Variants in DHX30 observed in about 807,000 individuals in gnomAD.
The protein encoded by DHX30 is DExH-box helicase 30, also known as ATP-dependent RNA helicase DHX30.
In DHX30, 4 loss-of-function variants were observed where a neutral mutation model predicts 116.9. The observed-to-expected ratio is 0.03, with a 90% confidence interval of 0.02 to 0.08. The LOEUF is 0.08. DHX30 is among the 10% of genes least tolerant of loss of function. The pLI is 1.00. For synonymous variants in DHX30, 697 were observed against 651.7 expected, an observed-to-expected ratio of 1.07 and a Z score of -1.06; for missense variants, 871 against 1,595.1, an observed-to-expected ratio of 0.55 and a Z score of 7.73.
At chr3:47,840,004 T>TTTTC (rs1181932343) in intron 6 of DHX30, among the ~76,000 whole-genome samples, 54 of 25,650 alleles carry the variant, frequency 2.1e-3, no homozygotes, top group African/African-American at 3.7e-3. Context: ...TTTTCTTTTC[T>TTTTC]TTTTTTTTTT....
Position 47,849,732 on chromosome 3 carries a change from T to A in DHX30, c.3294T>A (p.Ala1098=), listed in dbSNP as rs1311006957. The A allele has an allele frequency of 6.2e-7, 1 of 1,614,028 alleles. No individual in the cohort carries two copies. Among genetic ancestry groups the A allele is most frequent in the Non-Finnish European group, 8.5e-7 (1 of 1,179,972 alleles). ...ACTCCTCTCAGGTGCACCCGCTAGC[T>A]GTGCTGCTGCTGACCGACGGGGACG... is the stretch of plus-strand genomic sequence containing the variant. ...VRDSSQVHPL[A]VLLLTDGDVH... is the part of the protein sequence containing the mutation. The change falls in exon 21 of 22, where the codon GCT becomes GCA. Residue 1098 remains alanine, a synonymous_variant. Coordinates refer to ENST00000445061, the MANE Select transcript of DHX30 (RefSeq NM_138615.3).
intron 4 of DHX30, among the ~76,000 whole-genome samples, chr3:47,822,802 A>C (rs2036356298): frequency 6.7e-6 from 1 of 149,142 alleles, no homozygotes; most frequent in African/African-American, 2.5e-5. Flanking sequence ...TAAACATAAA[A>C]AATAAGAAAG....
intron 2 of DHX30, among the ~76,000 whole-genome samples, chr3:47,809,277 T>C (rs1476568654): frequency 2.0e-4 from 23 of 114,962 alleles, no homozygotes; most frequent in Admixed American, 5.9e-4. Context: ...AGTCTCACTC[T>C]GTCGCCCAGG....
At position 47,808,912 on chromosome 3, in the gene DHX30, G is replaced by A. The variant is rs372466600; in HGVS notation, c.-27-1745G>A. On this transcript the variant is annotated intron_variant, in intron 2 of 21. Coordinates refer to ENST00000445061, the MANE Select transcript of DHX30 (RefSeq NM_138615.3). ...TTTTGTTTTTGTTTTTTTTGAGACA[G>A]AGTCTCACTCTTGTTGCCCAGGCTG... Among the ~76,000 whole-genome samples the A allele has an allele frequency of 1.6e-4, 24 of 151,458 alleles. No homozygotes were observed. In the East Asian group the frequency reaches 2.1e-3, roughly 14 times the overall value.
At chr3:47,831,654 G>A (rs1481469704) in intron 6 of DHX30, among the ~76,000 whole-genome samples, 7 of 149,178 alleles carry the variant, frequency 4.7e-5, no homozygotes, top group Middle Eastern at 3.6e-3. Flanking sequence ...GGCCATCTTC[G>A]TTCATGCCCT....
At chr3:47,844,619 G>A (rs888202682) in intron 9 of DHX30, among the ~76,000 whole-genome samples, 2 of 152,260 alleles carry the variant, frequency 1.3e-5, no homozygotes, top group African/African-American at 4.8e-5. Flanking sequence ...AGAGGCAGGG[G>A]GTTGGCCCCT....
chr3:47,819,464 C>G (rs1055017888), intron 4 of DHX30, among the ~76,000 whole-genome samples: 1 of 152,186 alleles, frequency 6.6e-6, no homozygotes, highest in African/African-American at 2.4e-5. Flanking sequence ...GACCCCTGAG[C>G]CTGGTGGTCT....
rs148301796 is a variant in DHX30 at position 47,847,551 on chromosome 3, G to A, written c.2110+15G>A. 2.2e-4 allele frequency: 349 copies of A among 1,576,146 alleles called. No individual in the cohort carries two copies. The African/African-American group carries it at 4.1e-3, about 19-fold the overall frequency. On this transcript the variant is annotated intron_variant, in intron 13 of 21. Transcript: ENST00000445061. This position sits in a 1 kb window ranked among gnomAD's most constrained non-coding sequence, Gnocchi z 5.5. ...CATCCTGCCAGGTGAGAGCCCCGGCGGAGGGACCAGGGACCTTTGGAAACC... is the reference window on the plus strand; with the variant it reads ...CATCCTGCCAGGTGAGAGCCCCGGCAGAGGGACCAGGGACCTTTGGAAACC...
chr3:47,812,063 CAAA>C (rs370479642), intron 3 of DHX30, among the ~76,000 whole-genome samples: 2 of 89,112 alleles, frequency 2.2e-5, no homozygotes, highest in East Asian at 3.3e-4. Flanking sequence ...GACTCAGTCT[CAAA>C]AAAAAAAAAA....
chr3:47,828,445 G>A (rs1475406400), intron 5 of DHX30, among the ~76,000 whole-genome samples: 2 of 143,404 alleles, frequency 1.4e-5, no homozygotes, highest in Non-Finnish European at 3.0e-5. Context: ...GGGCAACAGC[G>A]TGAGATCCTG....
intron 1 of DHX30, among the ~76,000 whole-genome samples, chr3:47,804,700 TAAG>T (rs1387042617): frequency 6.6e-6 from 1 of 152,186 alleles, no homozygotes; most frequent in Non-Finnish European, 1.5e-5. Context: ...ATCCTGGAAA[TAAG>T]AAAATTAGCC....
chr3:47,814,272 T>A (rs1433765731), intron 3 of DHX30, among the ~76,000 whole-genome samples: 2 of 147,318 alleles, frequency 1.4e-5, no homozygotes, highest in Non-Finnish European at 3.0e-5. Flanking sequence ...TAAAAAAAAA[T>A]AAAAATAAAA....
At chr3:47,826,744 G>A (rs542354649) in intron 4 of DHX30, among the ~76,000 whole-genome samples, 41 of 152,178 alleles carry the variant, frequency 2.7e-4, no homozygotes, top group South Asian at 6.2e-4. Flanking sequence ...GAGCCACCAC[G>A]CCCAGCCAGA....
At chr3:47,809,968 C>A (rs770792032) in intron 2 of DHX30, among the ~76,000 whole-genome samples, 5 of 151,696 alleles carry the variant, frequency 3.3e-5, no homozygotes, top group Non-Finnish European at 5.9e-5. Context: ...TTTTTCTTGT[C>A]ATCTCTAAGT....
intron 2 of DHX30, among the ~76,000 whole-genome samples, chr3:47,809,813 T>A (rs532019083): frequency 6.6e-6 from 1 of 152,310 alleles, no homozygotes; most frequent in East Asian, 1.9e-4. Flanking sequence ...ATGATTCTGA[T>A]TGGCTAAACA....
chr3:47,824,233 C>T (rs1270052543), intron 4 of DHX30, among the ~76,000 whole-genome samples: 1 of 152,028 alleles, frequency 6.6e-6, no homozygotes, highest in Non-Finnish European at 1.5e-5. Context: ...GAACTCCTGA[C>T]CTCAGGTGAT....
intron 2 of DHX30, among the ~76,000 whole-genome samples, chr3:47,808,181 A>G (rs2035620308): frequency 6.6e-6 from 1 of 150,422 alleles, no homozygotes; most frequent in African/African-American, 2.4e-5. Flanking sequence ...AAATGCTGGG[A>G]TTACAGGCAT....
intron 2 of DHX30, among the ~76,000 whole-genome samples, chr3:47,810,378 T>G (rs1343509293): frequency 4.6e-5 from 7 of 152,188 alleles, no homozygotes; most frequent in African/African-American, 1.7e-4. Context: ...TAGAACTACA[T>G]GTCTCTCATG....
rs746231254 is a variant in DHX30 at position 47,846,729 on chromosome 3, G to A, written c.1657G>A (p.Val553Met). The change falls in exon 11 of 22, where the codon GTG becomes ATG. Residue 553 changes from valine to methionine, a missense_variant. Val to Met is a conservative substitution (Grantham distance 21, BLOSUM62 1). Around this residue, in one of 13 missense-constraint regions of DHX30, gnomAD observed 63 missense variants for 180.6 expected, o/e 0.35. Transcript: ENST00000445061. ...KLQSNPSLEGVSHVIVDEVHE... is the reference protein window; with the variant it reads ...KLQSNPSLEGMSHVIVDEVHE... The stretch of plus-strand genomic sequence containing the variant: ...GCAGAGCAACCCCAGCCTGGAGGGC[G>A]TGAGCCACGTCATCGTGGATGAGGT... 3 of 1,613,870 alleles carry A rather than the reference G, an allele frequency of 1.9e-6. No individual in the cohort carries two copies. Among genetic ancestry groups the A allele is most frequent in the African/African-American group, 1.3e-5 (1 of 74,958 alleles).
Sources: gnomAD v4.1 joint callset for allele counts (sites outside exome capture counted in the v4.1 genomes callset) on GRCh38, gnomAD v4.1.1 for gene constraint, gnomAD v4.1.1 regional missense constraint, Gnocchi (gnomAD v3.1) non-coding constraint, MANE v1.5 for transcripts, NCBI Gene and HGNC (gene_info 2026-07-23, HGNC 2026-07-21) for gene names.